Variants in KRTCAP3 observed in about 807,000 individuals in gnomAD.
KRTCAP3 encodes the protein keratinocyte-associated protein 3.
A neutral mutation model predicts 20.5 loss-of-function variants in KRTCAP3; 18 were observed. The observed-to-expected ratio is 0.88, with a 90% CI of 0.61 to 1.31. The LOEUF is 1.31. KRTCAP3 is among the 50% of genes most tolerant of loss of function. The pLI, the probability that KRTCAP3 is intolerant of heterozygous loss-of-function variation, is 0.00. For synonymous variants in KRTCAP3, 167 were observed against 133.7 expected (o/e 1.25, Z -1.72); for missense variants, 347 against 310.4 (o/e 1.12, Z -0.89).
At chr2:27,443,343 C>T in intron 4 of KRTCAP3, 55 bp from the exon 5 acceptor site, 3 of 1,613,572 alleles carry the variant, frequency 1.9e-6, no homozygotes, top group Non-Finnish European at 2.5e-6. Flanking sequence ...TTAATTTCCC[C>T]TATTTGCTGC....
intron 5 of KRTCAP3, among the ~76,000 whole-genome samples, 197 bp downstream of exon 5, chr2:27,443,729 A>T (rs1664765423): frequency 6.6e-6 from 1 of 151,894 alleles, no homozygotes; most frequent in Non-Finnish European, 1.5e-5. Flanking sequence ...AAATACAAAA[A>T]ATTAGGTGGG....
downstream of KRTCAP3, chr2:27,444,661 G>GTTTA (rs1664870540): frequency 1.4e-6 from 1 of 705,756 alleles, no homozygotes; most frequent in Non-Finnish European, 2.4e-6. Context: ...TTTTTTGTTT[G>GTTTA]TTTTGAGACA....
At chr2:27,445,681 A>G, downstream of KRTCAP3, 10 of 1,572,884 alleles carry the variant, frequency 6.4e-6, no homozygotes, top group Non-Finnish European at 8.7e-6. The surrounding 1 kb of genome is among the most constrained non-coding windows in gnomAD (Gnocchi z 4.4). Flanking sequence ...GCACAAAGAT[A>G]TTCTCCCTCC....
In KRTCAP3 at chr2:27,443,259, CTT is replaced by C; in HGVS notation, c.461_462del (p.Phe154Ter). 1 of 1,614,196 alleles carries C rather than the reference CTT, an allele frequency of 6.2e-7. No individual in the cohort carries two copies. The highest frequency in any genetic ancestry group is 8.5e-7 in the Non-Finnish European group (1 of 1,180,024). ...AGGGGCCGGGACATACTGACTGCCC[CTT>C]TGACCCCACAAGAATCTATGTGAGC... is the stretch of plus-strand genomic sequence containing the variant. ...DEGPGHTDCP[F>X]DPTRIYDTAL... On this transcript the variant is annotated frameshift_variant, in exon 4 of 7. Transcript: ENST00000288873. LOFTEE classifies it high-confidence loss of function.
rs1362212399 is a variant in KRTCAP3, at chr2:27,443,940, C to T, written c.616-9C>T. The T allele has an allele frequency of 1.3e-6, 2 of 1,501,392 alleles. No homozygotes were observed. The highest frequency in any genetic ancestry group is 2.3e-5 in the East Asian group (1 of 44,420). 93.0% of individuals were successfully genotyped at this position (1,501,392 alleles called of 1,614,324 possible). ...GGGCGAGGGTGTCTAACTCTATCTTCTTCTGCAGCTAGAGGAAATGACAGA... is the reference window on the plus strand; with the variant it reads ...GGGCGAGGGTGTCTAACTCTATCTTTTTCTGCAGCTAGAGGAAATGACAGA... On this transcript the variant is annotated splice_polypyrimidine_tract_variant and intron_variant, in intron 5 of 6. Transcript: ENST00000288873.
In KRTCAP3 at chr2:27,442,586, C is replaced by G; in HGVS notation, c.36C>G (p.Ala12=). The change falls in exon 2 of 7, where the codon GCC becomes GCG. Residue 12 remains alanine, a synonymous_variant. Coordinates refer to ENST00000288873, the MANE Select transcript of KRTCAP3 (RefSeq NM_173853.4). ...CTCCCCCGTGCTTTGCAGACGCCGC[C>G]CGGGGGCCCAGGCGGCTGATGCGTG... ...RRCSLCAFDA[A]RGPRRLMRVG... 2 of 1,532,514 alleles carry G rather than the reference C, an allele frequency of 1.3e-6. No homozygotes were observed. Among genetic ancestry groups the G allele is most frequent in the South Asian group, 2.5e-5 (2 of 78,894 alleles). The allele number at this position is 1,532,514 out of a possible 1,614,324, so 94.9% of individuals were successfully genotyped here. A position where few individuals can be genotyped will look rare whatever the true frequency, so the allele number is the denominator to read the frequency against.
At chr2:27,445,282 G>A, downstream of KRTCAP3, 1 of 1,605,014 alleles carries the variant, frequency 6.2e-7, no homozygotes, top group Middle Eastern at 1.7e-4. The surrounding 1 kb of genome is among the most constrained non-coding windows in gnomAD (Gnocchi z 4.4). Flanking sequence ...CTGGGGTGCT[G>A]TAGGCTTCTA....
chr2:27,442,441 G>A lies in KRTCAP3; in HGVS notation c.28+1G>A, dbSNP rs1332660473. The A allele has an allele frequency of 1.9e-6, 3 of 1,569,994 alleles. No homozygotes were observed. The highest frequency in any genetic ancestry group is 1.4e-5 in the African/African-American group (1 of 73,690). ...AGGCGCTGCAGTCTCTGCGCTTTCG[G>A]TAACTTCCGGGCCCTGGCGTCTCGT... is the stretch of plus-strand genomic sequence containing the variant. On this transcript the variant is annotated splice_donor_variant, in intron 1 of 6. Transcript: ENST00000288873. LOFTEE classifies it high-confidence loss of function.
chr2:27,443,554 G>T (rs773479960), intron 5 of KRTCAP3, 22 bp downstream of exon 5: 1 of 1,613,556 alleles, frequency 6.2e-7, no homozygotes. Flanking sequence ...AAACAGGAAG[G>T]GTTCATTCCA....
chr2:27,442,679 C>A lies in KRTCAP3; in HGVS notation c.129C>A (p.Val43=). ...TGGGGGCCGTGCTGCATGGCACCGT[C>A]CTGCGGCACGTGGCCAATCCCCGCG... ...LLLGAVLHGT[V]LRHVANPRGA... Residue 43 remains valine, a synonymous_variant, in exon 2 of 7, where the codon GTC becomes GTA. Coordinates refer to ENST00000288873, the MANE Select transcript of KRTCAP3 (RefSeq NM_173853.4). 6.3e-7 allele frequency: 1 copy of A among 1,587,256 alleles called. No homozygotes were observed. Among genetic ancestry groups the A allele is most frequent in the Non-Finnish European group, 8.6e-7 (1 of 1,166,008 alleles).
chr2:27,445,179 G>A, downstream of KRTCAP3: 1 of 1,598,340 alleles, frequency 6.3e-7, no homozygotes, highest in Non-Finnish European at 8.5e-7. This position sits in a 1 kb window ranked among gnomAD's most constrained non-coding sequence, Gnocchi z 4.4. Flanking sequence ...GCAGCCTGGG[G>A]GGTAGAAAGC....
In KRTCAP3 at chr2:27,442,580, CGCCGCCCGGGG is replaced by C; in HGVS notation, c.34_44del (p.Ala12GlnfsTer116). 6.6e-7 allele frequency: 1 copy of C among 1,524,642 alleles called. No homozygotes were observed. The highest frequency in any genetic ancestry group is 8.8e-7 in the Non-Finnish European group (1 of 1,137,506). The allele number at this position is 1,524,642 out of a possible 1,614,324, so 94.4% of individuals were successfully genotyped here. On this transcript the variant is annotated frameshift_variant and splice_region_variant, in exon 2 of 7. Coordinates refer to ENST00000288873, the MANE Select transcript of KRTCAP3 (RefSeq NM_173853.4). LOFTEE classifies it high-confidence loss of function. ...CCTGCCCTCCCCCGTGCTTTGCAGA[CGCCGCCCGGGG>C]GCCCAGGCGGCTGATGCGTGTGGGC...
chr2:27,446,455 T>A, downstream of KRTCAP3: 2 of 1,023,376 alleles, frequency 2.0e-6, no homozygotes, highest in Non-Finnish European at 3.0e-6. Flanking sequence ...AAACAACAAT[T>A]ATTATTAAAC....
rs562761804 is a variant in KRTCAP3, at chr2:27,442,710, G to C, written c.160G>C (p.Val54Leu). 1 of 1,595,840 alleles carries C rather than the reference G, an allele frequency of 6.3e-7. No individual in the cohort carries two copies. ...GCACGTGGCCAATCCCCGCGGCGCT[G>C]TCACGCCGGAGTACACCGTAGCCAA... ...LRHVANPRGA[V>L]TPEYTVANVI... The change falls in exon 2 of 7, where the codon GTC becomes CTC. Residue 54 changes from valine (V) to leucine (L), a missense_variant. Val to Leu is a conservative substitution (Grantham distance 32, BLOSUM62 1). Transcript: ENST00000288873.
Position 27,443,069 on chromosome 2 carries a change from G to A in KRTCAP3, c.274-5G>A. 6.2e-7 allele frequency: 1 copy of A among 1,612,934 alleles called. No individual in the cohort carries two copies. The highest frequency in any genetic ancestry group is 1.3e-5 in the African/African-American group (1 of 75,010). On this transcript the variant is annotated splice_region_variant and splice_polypyrimidine_tract_variant and intron_variant, in intron 3 of 6. Transcript: ENST00000288873. ...CTGCTCACCCTGATCTCCTGTCCCT[G>A]CCAGCACTGGGTCCTGCTGGCACTA... is the stretch of plus-strand genomic sequence containing the variant.
downstream of KRTCAP3, chr2:27,445,177 G>T (rs543062555): frequency 7.0e-5 from 112 of 1,599,416 alleles, no homozygotes; most frequent in South Asian, 6.3e-4. The surrounding 1 kb of genome is among the most constrained non-coding windows in gnomAD (Gnocchi z 4.4). Flanking sequence ...GAGCAGCCTG[G>T]GGGGTAGAAA....
chr2:27,446,014 G>T, downstream of KRTCAP3: 2 of 1,613,920 alleles, frequency 1.2e-6, no homozygotes, highest in Non-Finnish European at 1.7e-6. Context: ...GTTGCAAATG[G>T]GAGTGAACAA....
chr2:27,442,974 C>T, intron 3 of KRTCAP3, 73 bp downstream of exon 3: 2 of 1,588,362 alleles, frequency 1.3e-6, no homozygotes, highest in Non-Finnish European at 1.7e-6. Flanking sequence ...TGAGCTTGGT[C>T]TTTCAATAGA....
chr2:27,444,120 A>G, intron 6 of KRTCAP3, 59 bp downstream of exon 6: 1 of 1,014,588 alleles, frequency 9.9e-7, no homozygotes, highest in Non-Finnish European at 1.5e-6. Context: ...GTGCTCTTAG[A>G]ACTGGGTCTA....
Sources: allele counts gnomAD v4.1 joint callset (sites outside exome capture counted in the v4.1 genomes callset), GRCh38; gene constraint gnomAD v4.1.1; non-coding constraint Gnocchi (gnomAD v3.1); transcripts MANE v1.5; gene names NCBI Gene and HGNC (gene_info 2026-07-23, HGNC 2026-07-21).